MYCBP2: variants seen among roughly 807,000 people sequenced by gnomAD.
The protein encoded by MYCBP2 is E3 ubiquitin-protein ligase MYCBP2.
MYCBP2 carries 120 observed loss-of-function variants against 525.3 expected under a neutral mutation model. That is an observed-to-expected ratio of 0.23 (90% CI 0.20 to 0.27). MYCBP2 has a LOEUF of 0.27. Ranked by LOEUF, MYCBP2 falls within the 10% of genes least tolerant of loss-of-function variation. The pLI, the probability that MYCBP2 is intolerant of heterozygous loss-of-function variation, is 1.00. For missense variants in MYCBP2, 4,149 were observed against 5,657.1 expected (o/e 0.73, Z 8.55); for synonymous variants, 1,894 against 1,955.8 (o/e 0.97, Z 0.83).
Position 77,237,811 on chromosome 13 carries a change from T to C in MYCBP2, c.2630-4548A>G, listed in dbSNP as rs537062196. Among the ~76,000 whole-genome samples the C allele has an allele frequency of 3.3e-3, 501 of 152,334 alleles. 3 individuals carry two copies. Among genetic ancestry groups the C allele is most frequent in the African/African-American group, 0.011 (441 of 41,578 alleles). Reference sequence around the variant, plus strand: ...TATAAAGGGTTATGCTGATCTATTTTTTCTTACTTATACTCTCTAAATTCT... The same window carrying C: ...TATAAAGGGTTATGCTGATCTATTTCTTCTTACTTATACTCTCTAAATTCT... On this transcript the variant is annotated intron_variant, in intron 17 of 82. Transcript: ENST00000544440.
chr13:77,200,068 A>T (rs2154267605), intron 26 of MYCBP2, among the ~76,000 whole-genome samples: 1 of 152,352 alleles, frequency 6.6e-6, no homozygotes, highest in Non-Finnish European at 1.5e-5. Context: ...CTGAGAGAAG[A>T]AGGCTTCAGA....
intron 82 of MYCBP2, 112 bp downstream of exon 82, chr13:77,050,885 T>C: frequency 1.1e-6 from 1 of 915,328 alleles, no homozygotes; most frequent in Non-Finnish European, 1.7e-6. Flanking sequence ...CCTGCTTCTT[T>C]AGGCTAGTTT....
chr13:77,180,451 T>C, intron 33 of MYCBP2, 133 bp from the exon 34 acceptor site: 1 of 719,792 alleles, frequency 1.4e-6, no homozygotes. Context: ...CAAATCTTTC[T>C]GGTTATATGT....
intron 55 of MYCBP2, among the ~76,000 whole-genome samples, chr13:77,108,029 C>T (rs1271906665): frequency 6.6e-6 from 1 of 152,038 alleles, no homozygotes; most frequent in Non-Finnish European, 1.5e-5. Context: ...TTATGTAAGA[C>T]TTATTTACAT....
Position 77,125,474 on chromosome 13 carries a change from A to G in MYCBP2, c.7885-6T>C. Reference sequence around the variant, plus strand: ...GTCCCTTCAGAATTGGTTACCTGGTACATAACAAAAAGCATGATTGATTGG... The same window carrying G: ...GTCCCTTCAGAATTGGTTACCTGGTGCATAACAAAAAGCATGATTGATTGG... On this transcript the variant is annotated splice_region_variant and splice_polypyrimidine_tract_variant and intron_variant, in intron 53 of 82. Coordinates refer to ENST00000544440, the MANE Select transcript of MYCBP2 (RefSeq NM_015057.5). 1 of 1,612,428 alleles carries G rather than the reference A, an allele frequency of 6.2e-7. No individual in the cohort carries two copies. Among genetic ancestry groups the G allele is most frequent in the Non-Finnish European group, 8.5e-7 (1 of 1,179,320 alleles).
rs1221115039 is a variant in MYCBP2 at position 77,267,394 on chromosome 13, A to AAAATAAAATAAAATTAAATT, written c.1357+446_1357+447insAATTTAATTTTATTTTATTT. Among the ~76,000 whole-genome samples, 22 of 149,492 alleles carry AAAATAAAATAAAATTAAATT rather than the reference A, an allele frequency of 1.5e-4. 1 individual carries two copies. Among genetic ancestry groups the AAAATAAAATAAAATTAAATT allele is most frequent in the South Asian group, 4.2e-4 (2 of 4,790 alleles). ...TCTGTCTCTGAAACCCCTTTAACATAAAATAAAATAAAATAAAATTAAATT... is the reference window on the plus strand; with the variant it reads ...TCTGTCTCTGAAACCCCTTTAACATAAAATAAAATAAAATTAAATTAAATAAAATAAAATAAAATTAAATT... On this transcript the variant is annotated intron_variant, in intron 8 of 82. Transcript: ENST00000544440.
At chr13:77,131,410 G>A (rs770000639) in intron 52 of MYCBP2, among the ~76,000 whole-genome samples, 4 of 151,696 alleles carry the variant, frequency 2.6e-5, no homozygotes, top group Non-Finnish European at 4.4e-5. Flanking sequence ...TCACAGCTAC[G>A]TGGGAAGCTG....
In MYCBP2 at chr13:77,158,061, G is replaced by A; in HGVS notation, c.6646C>T (p.His2216Tyr). ...AGTGCTTCTAATATAGTTGGTGAAT[G>A]AGAAAGAGCTAGACCCTTTCCAAGA... Reference protein sequence around the residue: ...GILGKGLALSHSPTILEALEG... With the variant: ...GILGKGLALSYSPTILEALEG... The change falls in exon 45 of 83, where the codon CAT becomes TAT. Residue 2216 changes from histidine to tyrosine, a missense_variant. Coordinates refer to ENST00000544440, the MANE Select transcript of MYCBP2 (RefSeq NM_015057.5). The A allele has an allele frequency of 6.2e-7, 1 of 1,613,190 alleles. No homozygotes were observed. The highest frequency in any genetic ancestry group is 1.3e-5 in the African/African-American group (1 of 75,014).
At chr13:77,303,240 G>A (rs930747837) in intron 1 of MYCBP2, among the ~76,000 whole-genome samples, 13 of 152,224 alleles carry the variant, frequency 8.5e-5, no homozygotes, top group African/African-American at 3.1e-4. Flanking sequence ...GGCTGAGGCA[G>A]GAGAATCGCT....
intron 59 of MYCBP2, among the ~76,000 whole-genome samples, chr13:77,091,197 T>C (rs2045358745): frequency 1.3e-5 from 2 of 152,120 alleles, no homozygotes; most frequent in Non-Finnish European, 2.9e-5. Context: ...TAAGCTTATG[T>C]ACATTCTTGT....
chr13:77,185,401 G>A, intron 31 of MYCBP2, 24 bp from the exon 32 acceptor site: 1 of 1,593,244 alleles, frequency 6.3e-7, no homozygotes, highest in Non-Finnish European at 8.6e-7. Flanking sequence ...AAAGCAGATT[G>A]GTAATTAAGC....
In MYCBP2 at chr13:77,205,347, A is replaced by G; in HGVS notation, c.3752T>C (p.Val1251Ala). Residue 1251 changes from valine to alanine, a missense_variant, in exon 26 of 83, where the codon GTA (valine) becomes GCA (alanine). Val to Ala is a moderately conservative substitution (Grantham distance 64). This residue lies in a region of MYCBP2 where 620 missense variants were observed against 795.5 expected (regional missense o/e 0.78). Coordinates refer to ENST00000544440, the MANE Select transcript of MYCBP2 (RefSeq NM_015057.5). ...GTCGGCACTGAAACGTATAGCTTCT[A>G]CTGAATGGGCAGAATAACCCCAGCC... Reference protein sequence around the residue: ...GGGWGYSAHSVEAIRFSADTD... With the variant: ...GGGWGYSAHSAEAIRFSADTD... 2 of 1,613,892 alleles carry G rather than the reference A, an allele frequency of 1.2e-6. No individual in the cohort carries two copies. The highest frequency in any genetic ancestry group is 1.7e-6 in the Non-Finnish European group (2 of 1,179,856).
At chr13:77,222,802 C>G (rs866449505) in intron 20 of MYCBP2, among the ~76,000 whole-genome samples, 18 of 152,126 alleles carry the variant, frequency 1.2e-4, no homozygotes, top group South Asian at 2.1e-4. Context: ...ATCCCTGCCA[C>G]AATAGTAGAG....
intron 2 of MYCBP2, among the ~76,000 whole-genome samples, chr13:77,293,937 T>A (rs2077755747): frequency 6.6e-6 from 1 of 151,716 alleles, no homozygotes. Context: ...TAACGAGTGT[T>A]AATTTAAACC....
chr13:77,093,363 C>T (rs773920888), intron 58 of MYCBP2, 31 bp from the exon 59 acceptor site: 1 of 1,600,276 alleles, frequency 6.2e-7, no homozygotes, highest in Non-Finnish European at 8.5e-7. Flanking sequence ...TAACTTAAAG[C>T]ATGATGGCAA....
At chr13:77,256,161 T>A (rs2072153200) in intron 14 of MYCBP2, among the ~76,000 whole-genome samples, 1 of 152,092 alleles carries the variant, frequency 6.6e-6, no homozygotes, top group African/African-American at 2.4e-5. Flanking sequence ...AAGTGTCAGA[T>A]ATTCATAAGG....
Position 77,116,021 on chromosome 13 carries a change from T to C in MYCBP2, c.8140+5352A>G, listed in dbSNP as rs188469525. Among the ~76,000 whole-genome samples, 16 of 151,982 alleles carry C rather than the reference T, an allele frequency of 1.1e-4. No homozygotes were observed. In the South Asian group the frequency reaches 2.3e-3, roughly 22 times the overall value. On this transcript the variant is annotated intron_variant, in intron 55 of 82. Transcript: ENST00000544440. ...AAAATAGCCTTTGTAGTCAACAGAATTGACCTCAAGTTCTGGCTCTACCAT... is the reference window on the plus strand; with the variant it reads ...AAAATAGCCTTTGTAGTCAACAGAACTGACCTCAAGTTCTGGCTCTACCAT...
At position 77,083,883 on chromosome 13, in the gene MYCBP2, A is replaced by G. The variant is rs143610810; in HGVS notation, c.10876-691T>C. On this transcript the variant is annotated intron_variant, in intron 62 of 82. Transcript: ENST00000544440. ...AGATGCCCTCCCACTGGCAATTTCT[A>G]TTACCAGTTTCTTGGACTGTCTATA... Among the ~76,000 whole-genome samples, 807 of 152,232 alleles carry G rather than the reference A, an allele frequency of 5.3e-3. 12 individuals are homozygous for G. The highest frequency in any genetic ancestry group is 8.0e-3 in the Non-Finnish European group (544 of 68,000).
At chr13:77,125,024 T>G (rs1229142706) in intron 54 of MYCBP2, among the ~76,000 whole-genome samples, 1 of 152,132 alleles carries the variant, frequency 6.6e-6, no homozygotes, top group African/African-American at 2.4e-5. Flanking sequence ...ATAGAAGGGA[T>G]AGAACGTTCA....
Sources: allele counts gnomAD v4.1 joint callset (sites outside exome capture counted in the v4.1 genomes callset), GRCh38; gene constraint gnomAD v4.1.1; regional missense constraint gnomAD v4.1.1; transcripts MANE v1.5; gene names NCBI Gene and HGNC (gene_info 2026-07-23, HGNC 2026-07-21).